L3MBTL4: variants seen among roughly 807,000 people sequenced by gnomAD.
L3MBTL4 encodes L3MBTL histone methyl-lysine binding protein 4, also known as lethal(3)malignant brain tumor-like protein 4.
Under a neutral mutation model 84.5 loss-of-function variants are expected in L3MBTL4, and 70 were observed. The ratio of observed to expected loss-of-function variants is 0.83; its 90% CI spans 0.68 to 1.01. The LOEUF (loss-of-function observed/expected upper bound fraction) is 1.01. Ranked by LOEUF, L3MBTL4 falls within the 50% of genes least tolerant of loss-of-function variation. L3MBTL4 has a pLI of 0.00. For synonymous variants in L3MBTL4, 274 were observed against 259.8 expected (o/e 1.05, Z -0.52); for missense variants, 715 against 754.8 (o/e 0.95, Z 0.62).
chr18:6,113,181 T>C (rs1396518790), intron 14 of L3MBTL4, among the ~76,000 whole-genome samples: 1 of 151,688 alleles, frequency 6.6e-6, no homozygotes, highest in Non-Finnish European at 1.5e-5. Context: ...ACTGGATATA[T>C]TGATAACAAA....
At chr18:6,082,015 G>T (rs2058095690) in intron 15 of L3MBTL4, among the ~76,000 whole-genome samples, 1 of 152,128 alleles carries the variant, frequency 6.6e-6, no homozygotes, top group Non-Finnish European at 1.5e-5. Flanking sequence ...GGGGGGCAAT[G>T]CAGAGACAGT....
chr18:6,314,712 TAGAA>T (rs2051005801), intron 1 of L3MBTL4, among the ~76,000 whole-genome samples: 1 of 152,244 alleles, frequency 6.6e-6, no homozygotes, highest in South Asian at 2.1e-4. Flanking sequence ...GATTGATACT[TAGAA>T]AGCATCTGAA....
At chr18:6,243,074 T>C (rs1431086187) in intron 7 of L3MBTL4, among the ~76,000 whole-genome samples, 1 of 152,230 alleles carries the variant, frequency 6.6e-6, no homozygotes, top group Non-Finnish European at 1.5e-5. Context: ...CTGTACATTA[T>C]CAGAATATTT....
At chr18:5,977,078 A>C (rs988772329) in intron 16 of L3MBTL4, among the ~76,000 whole-genome samples, 1 of 152,006 alleles carries the variant, frequency 6.6e-6, no homozygotes, top group African/African-American at 2.4e-5. Flanking sequence ...AACAGCTCTC[A>C]ATGGGTAACC....
chr18:6,068,441 C>T lies in L3MBTL4; in HGVS notation c.1444+12440G>A, dbSNP rs111862228. ...TTATCAGAGTGAAGGGTGGAAGCCA[C>T]CTCAGCTCCCCTGCCAGGCAAGCAG... On this transcript the variant is annotated intron_variant, in intron 16 of 18. Coordinates refer to ENST00000317931, the MANE Select transcript of L3MBTL4 (RefSeq NM_001330559.2). Among the ~76,000 whole-genome samples, 60 of 152,252 alleles carry T rather than the reference C, an allele frequency of 3.9e-4. 2 individuals carry two copies. The highest frequency in any genetic ancestry group is 1.4e-3 in the African/African-American group (60 of 41,556).
At position 6,150,558 on chromosome 18, in the gene L3MBTL4, A is replaced by C. The variant is rs139001370; in HGVS notation, c.1097-12262T>G. On this transcript the variant is annotated intron_variant, in intron 13 of 18. Transcript: ENST00000317931. ...ATGACATTTCATTATTGACATTCAG[A>C]AACTTGGCAGAACTGCCAAGTTTCT... is the stretch of plus-strand genomic sequence containing the variant. 1.6e-3 allele frequency among the ~76,000 whole-genome samples: 239 copies of C among 152,296 alleles called. 1 individual carries two copies. Among genetic ancestry groups the C allele is most frequent in the Middle Eastern group, 0.01 (3 of 294 alleles).
intron 4 of L3MBTL4, among the ~76,000 whole-genome samples, chr18:6,284,581 G>A (rs750824410): frequency 6.6e-6 from 1 of 152,226 alleles, no homozygotes; most frequent in South Asian, 2.1e-4. Flanking sequence ...CGCACTGGCC[G>A]GCTGCGCACG....
At chr18:6,168,067 C>G (rs1448405110) in intron 13 of L3MBTL4, among the ~76,000 whole-genome samples, 4 of 152,204 alleles carry the variant, frequency 2.6e-5, no homozygotes, top group African/African-American at 9.6e-5. Flanking sequence ...GAGTGAACTC[C>G]CATTCACAAT....
rs757285260 is a variant in L3MBTL4 at position 6,093,448 on chromosome 18, G to T, written c.1280C>A (p.Ala427Glu). Residue 427 changes from alanine to glutamate, a missense_variant, in exon 15 of 19, where the codon GCA (alanine) becomes GAA (glutamate). By Grantham distance (107) the Ala-to-Glu change is moderately radical (BLOSUM62 -1). Coordinates refer to ENST00000317931, the MANE Select transcript of L3MBTL4 (RefSeq NM_001330559.2). Reference protein sequence around the residue: ...LHDRLREQTQANLESDSSHSK... With the variant: ...LHDRLREQTQENLESDSSHSK... ...ATGTGAAGAGTCTGATTCCAAATTTGCCTGTGTTTGTTCTCTCAAACGATC... is the reference window on the plus strand; with the variant it reads ...ATGTGAAGAGTCTGATTCCAAATTTTCCTGTGTTTGTTCTCTCAAACGATC... The T allele has an allele frequency of 4.5e-5, 72 of 1,613,882 alleles. 1 individual carries two copies. The South Asian group carries it at 7.5e-4, about 17-fold the overall frequency.
At chr18:6,181,998 A>T (rs2044496905) in intron 12 of L3MBTL4, among the ~76,000 whole-genome samples, 1 of 152,154 alleles carries the variant, frequency 6.6e-6, no homozygotes, top group Non-Finnish European at 1.5e-5. Context: ...TTATGGTAGA[A>T]CGATTTATAT....
intron 10 of L3MBTL4, among the ~76,000 whole-genome samples, chr18:6,232,464 T>C (rs1196811572): frequency 1.3e-5 from 2 of 152,146 alleles, no homozygotes; most frequent in East Asian, 3.8e-4. Flanking sequence ...GGAGTGGTAC[T>C]GGTTCTTAAA....
At chr18:6,071,689 GAAA>G (rs2057614899) in intron 16 of L3MBTL4, among the ~76,000 whole-genome samples, 1 of 87,402 alleles carries the variant, frequency 1.1e-5, no homozygotes, top group Non-Finnish European at 2.0e-5. Context: ...AAGAGAGAAA[GAAA>G]GAAAGAAAGA....
chr18:6,268,087 G>A (rs1471773923), intron 4 of L3MBTL4, among the ~76,000 whole-genome samples: 1 of 152,178 alleles, frequency 6.6e-6, no homozygotes, highest in East Asian at 1.9e-4. Flanking sequence ...TTTCTCTGGA[G>A]CTACAATCAT....
At position 6,257,749 on chromosome 18, in the gene L3MBTL4, C is replaced by T. The variant is rs140584109; in HGVS notation, c.219+6198G>A. Among the ~76,000 whole-genome samples, 1,041 of 150,854 alleles carry T rather than the reference C, an allele frequency of 6.9e-3. 12 individuals carry two copies. The highest frequency in any genetic ancestry group is 0.025 in the African/African-American group (1,007 of 41,032). On this transcript the variant is annotated intron_variant, in intron 5 of 18. Coordinates refer to ENST00000317931, the MANE Select transcript of L3MBTL4 (RefSeq NM_001330559.2). ...GCAACCTCCGCTTCCCGGGTTCAAG[C>T]GATTCTCCTGCCTCAGCCTCCGGAG...
At chr18:6,100,752 A>C (rs1235341288) in intron 14 of L3MBTL4, among the ~76,000 whole-genome samples, 1 of 152,188 alleles carries the variant, frequency 6.6e-6, no homozygotes, top group Non-Finnish European at 1.5e-5. Context: ...TGTGGCTTCC[A>C]TTGGCACCAG....
At chr18:6,360,195 C>A (rs1434970645) in intron 1 of L3MBTL4, among the ~76,000 whole-genome samples, 1 of 152,060 alleles carries the variant, frequency 6.6e-6, no homozygotes, top group African/African-American at 2.4e-5. Flanking sequence ...CATAGTGAGA[C>A]CCCCATCACT....
At chr18:6,258,759 G>A (rs2048266870) in intron 5 of L3MBTL4, 1 of 152,486 alleles carries the variant, frequency 6.6e-6, no homozygotes. Context: ...GTCTTAGGAG[G>A]TGGATGGACT....
At chr18:6,193,810 G>A (rs899253335) in intron 12 of L3MBTL4, among the ~76,000 whole-genome samples, 1 of 152,106 alleles carries the variant, frequency 6.6e-6, no homozygotes, top group African/African-American at 2.4e-5. Flanking sequence ...AGGCATATGG[G>A]CCACTCTCTT....
At chr18:6,225,272 G>A (rs1208556355) in intron 10 of L3MBTL4, among the ~76,000 whole-genome samples, 2 of 152,172 alleles carry the variant, frequency 1.3e-5, no homozygotes, top group Non-Finnish European at 2.9e-5. Flanking sequence ...TATACAAGTG[G>A]GTAAAAAGAA....
Sources: allele counts gnomAD v4.1 joint callset (sites outside exome capture counted in the v4.1 genomes callset), GRCh38; gene constraint gnomAD v4.1.1; transcripts MANE v1.5; gene names NCBI Gene and HGNC (gene_info 2026-07-23, HGNC 2026-07-21).